Variants in RUNX1T1 observed in about 807,000 individuals in gnomAD.
RUNX1T1 encodes protein CBFA2T1.
Under a neutral mutation model 62.8 loss-of-function variants are expected in RUNX1T1, and 4 were observed. The observed-to-expected ratio is 0.06, with a 90% CI of 0.03 to 0.15. The LOEUF is 0.15. Among genes scored for constraint, RUNX1T1 ranks in the 10% least tolerant of loss-of-function variants. The probability of loss-of-function intolerance (pLI) is 1.00; values close to 1 mark genes in which losing one functional copy is unlikely to be tolerated. For synonymous variants in RUNX1T1, 291 were observed against 286.0 expected, an observed-to-expected ratio of 1.02 and a Z score of -0.18; for missense variants, 508 against 754.3, an observed-to-expected ratio of 0.67 and a Z score of 3.82.
chr8:91,955,831 G>A (rs1338721440), downstream of RUNX1T1: 1 of 227,604 alleles, frequency 4.4e-6, no homozygotes, highest in Non-Finnish European at 8.7e-6. Context: ...CATTCACAGG[G>A]TAGGGGAGAA....
intron 1 of RUNX1T1, chr8:92,095,128 CTT>C (rs1427508056): frequency 1.3e-6 from 2 of 1,535,514 alleles, no homozygotes; most frequent in East Asian, 4.9e-5. Flanking sequence ...GCAGATTTCT[CTT>C]TCTCACTCTG....
chr8:92,005,591 T>C (rs913404451), intron 4 of RUNX1T1: 1 of 336,938 alleles, frequency 3.0e-6, no homozygotes, highest in African/African-American at 2.2e-5. Flanking sequence ...TACTTGAATG[T>C]ATGTTCTACG....
At chr8:92,080,899 GT>G (rs1201426233) in intron 1 of RUNX1T1, among the ~76,000 whole-genome samples, 5 of 152,200 alleles carry the variant, frequency 3.3e-5, no homozygotes, top group African/African-American at 1.2e-4. Flanking sequence ...AACCAACTAA[GT>G]ATCAACAACG....
At chr8:91,966,763 C>G (rs575797351) in intron 10 of RUNX1T1, among the ~76,000 whole-genome samples, 1 of 152,262 alleles carries the variant, frequency 6.6e-6, no homozygotes, top group African/African-American at 2.4e-5. Flanking sequence ...AGAGAAAGTA[C>G]AGTAAGCATC....
At chr8:92,075,851 TAGA>T in intron 2 of RUNX1T1, 111 bp downstream of exon 2, 1 of 944,954 alleles carries the variant, frequency 1.1e-6, no homozygotes, top group Non-Finnish European at 1.6e-6. Context: ...GAACAGGCAC[TAGA>T]AGAAGGAAGA....
At chr8:92,103,343 G>A (rs1320359115), upstream of RUNX1T1, 1 of 185,174 alleles carries the variant, frequency 5.4e-6, no homozygotes, top group African/African-American at 2.3e-5. Context: ...CGTCCGCCGG[G>A]GAGCAGGAGC....
At chr8:92,015,442 T>A (rs2131147303) in intron 2 of RUNX1T1, among the ~76,000 whole-genome samples, 1 of 152,228 alleles carries the variant, frequency 6.6e-6, no homozygotes, top group Middle Eastern at 3.4e-3. Flanking sequence ...TAACAAGGAG[T>A]TACTTCAAGA....
At chr8:92,076,132 T>C (rs1171675804) in exon 2 of RUNX1T1, 2 of 1,538,618 alleles carry the variant, frequency 1.3e-6, no homozygotes, top group African/African-American at 1.4e-5. Flanking sequence ...CAGAGATCAA[T>C]CTTTTCTATT....
intron 5 of RUNX1T1, among the ~76,000 whole-genome samples, chr8:91,995,798 G>C (rs1818550500): frequency 6.6e-6 from 1 of 151,936 alleles, no homozygotes; most frequent in South Asian, 2.1e-4. Context: ...AAAAAAAGGG[G>C]AAAAAAAGAA....
rs201023280 is a variant in RUNX1T1, at chr8:92,005,309, T to C, written c.478-12A>G. 13 of 1,608,514 alleles carry C rather than the reference T, an allele frequency of 8.1e-6. No homozygotes were observed. Among genetic ancestry groups the C allele is most frequent in the Admixed American group, 1.7e-5 (1 of 58,114 alleles). ...AGGGGCAAGTTGGCCTGCAAGGGAATGACAGGAATGAGAGGACGGACTGAA... is the reference window on the plus strand; with the variant it reads ...AGGGGCAAGTTGGCCTGCAAGGGAACGACAGGAATGAGAGGACGGACTGAA... On this transcript the variant is annotated splice_polypyrimidine_tract_variant and intron_variant, in intron 4 of 10. Coordinates refer to ENST00000396218, the Ensembl canonical transcript of RUNX1T1.
chr8:92,076,490 T>C (rs1834440916), intron 1 of RUNX1T1, among the ~76,000 whole-genome samples: 1 of 152,180 alleles, frequency 6.6e-6, no homozygotes, highest in South Asian at 2.1e-4. Context: ...ATCTGTCAGA[T>C]ATTATGTTTT....
intron 1 of RUNX1T1, among the ~76,000 whole-genome samples, chr8:92,060,551 ATATGTGTGTGTGTGTGTGTG>A (rs1160782900): frequency 1.0e-5 from 1 of 95,328 alleles, no homozygotes; most frequent in Non-Finnish European, 2.2e-5. Context: ...ATATATATAT[ATATGTGTGTGTGTGTGTGTG>A]TGTGTGTGTG....
At chr8:92,036,595 C>T (rs984414413) in intron 1 of RUNX1T1, among the ~76,000 whole-genome samples, 2 of 152,142 alleles carry the variant, frequency 1.3e-5, no homozygotes, top group African/African-American at 4.8e-5. Flanking sequence ...AATACCTTTC[C>T]TTTTCAGGAG....
intron 1 of RUNX1T1, among the ~76,000 whole-genome samples, chr8:92,088,662 T>C (rs1836510989): frequency 6.6e-6 from 1 of 152,160 alleles, no homozygotes; most frequent in Non-Finnish European, 1.5e-5. Context: ...CTCCAAAAAG[T>C]CTAGTGGAAG....
chr8:92,088,108 T>C lies in RUNX1T1; in HGVS notation c.-86+11472A>G, dbSNP rs530597429. ...GTGTGACAGGTGGGCAAAGGAGCTG[T>C]GGAGTAAAGCACACTCCTTGTGTGA... On this transcript the variant is annotated intron_variant, in intron 1 of 11. Transcript: ENST00000265814. 3.3e-5 allele frequency among the ~76,000 whole-genome samples: 5 copies of C among 152,338 alleles called. 1 individual carries two copies. Among genetic ancestry groups the C allele is most frequent in the African/African-American group, 1.2e-4 (5 of 41,590 alleles).
At chr8:92,088,882 A>C (rs1836547354) in intron 1 of RUNX1T1, among the ~76,000 whole-genome samples, 1 of 152,230 alleles carries the variant, frequency 6.6e-6, no homozygotes, top group Non-Finnish European at 1.5e-5. Flanking sequence ...CTGACATAAT[A>C]TTCAACCCAG....
intron 8 of RUNX1T1, among the ~76,000 whole-genome samples, chr8:91,983,426 G>C (rs1489776528): frequency 3.3e-5 from 5 of 152,274 alleles, no homozygotes; most frequent in African/African-American, 9.6e-5. Flanking sequence ...CTAAGAATGT[G>C]TGTATGACTA....
upstream of RUNX1T1, chr8:92,099,750 T>C: frequency 1.9e-6 from 1 of 539,918 alleles, no homozygotes. Context: ...ATCAAAGAAG[T>C]GAGAAACAGG....
intron 1 of RUNX1T1, among the ~76,000 whole-genome samples, chr8:92,091,383 C>T (rs568521935): frequency 6.6e-5 from 10 of 152,322 alleles, no homozygotes; most frequent in African/African-American, 2.4e-4. Context: ...GCAACATTGA[C>T]AGTTTTAAGC....
Sources: allele counts gnomAD v4.1 joint callset (sites outside exome capture counted in the v4.1 genomes callset), GRCh38; gene constraint gnomAD v4.1.1; transcripts MANE v1.5; gene names NCBI Gene and HGNC (gene_info 2026-07-23, HGNC 2026-07-21).